Variants in CCDC14 observed in about 807,000 individuals in gnomAD.
CCDC14 encodes coiled-coil domain-containing protein 14.
In CCDC14, 71 loss-of-function variants were observed where a neutral mutation model predicts 81.4. The observed-to-expected ratio is 0.87, with a 90% CI of 0.72 to 1.06. The LOEUF (loss-of-function observed/expected upper bound fraction) is 1.06, where lower values mean the gene tolerates loss of function less well. Among genes scored for constraint, CCDC14 ranks in the 50% least tolerant of loss-of-function variants. The pLI is 0.00. For synonymous variants in CCDC14, 332 were observed against 364.8 expected, an observed-to-expected ratio of 0.91 and a Z score of 1.03; for missense variants, 1,046 against 1,047.3, an observed-to-expected ratio of 1.00 and a Z score of 0.02.
rs557721503 is a variant in CCDC14 at position 123,899,027 on chromosome 3, C to G, written c.668-1414G>C. ...GATCCACCATGCCAGGACAACAGTA[C>G]ATTTTCACCTAGTTTTTTGCATTCA... On this transcript the variant is annotated intron_variant, in intron 5 of 5. Transcript: ENST00000479903. Among the ~76,000 whole-genome samples, 6 of 151,976 alleles carry G rather than the reference C, an allele frequency of 3.9e-5. No individual in the cohort carries two copies. In the South Asian group the frequency reaches 1.2e-3, roughly 32 times the overall value.
chr3:123,917,975 T>C (rs774371288), intron 12 of CCDC14, among the ~76,000 whole-genome samples: 28 of 152,168 alleles, frequency 1.8e-4, no homozygotes, highest in Non-Finnish European at 3.8e-4. Flanking sequence ...AGGTAAATTA[T>C]GGTATAACTG....
the CCDC14 span, among the ~76,000 whole-genome samples, chr3:123,889,274 G>A: frequency 6.6e-6 from 1 of 152,156 alleles, no homozygotes; most frequent in Non-Finnish European, 1.5e-5. Context: ...TTAGCCAAGT[G>A]TGGTGGCACG....
chr3:123,906,964 T>C (rs979328275), intron 5 of CCDC14, among the ~76,000 whole-genome samples: 23 of 152,236 alleles, frequency 1.5e-4, no homozygotes, highest in Non-Finnish European at 3.1e-4. Flanking sequence ...TATCAGATCA[T>C]CTTGGCCCTG....
At chr3:123,921,256 T>C (rs187562558) in intron 12 of CCDC14, among the ~76,000 whole-genome samples, 1 of 152,202 alleles carries the variant, frequency 6.6e-6, no homozygotes, top group Admixed American at 6.5e-5. Context: ...AGTGGGTGAA[T>C]GAATCAAAAA....
chr3:123,885,673 G>C, the CCDC14 span, among the ~76,000 whole-genome samples: 1 of 152,082 alleles, frequency 6.6e-6, no homozygotes, highest in African/African-American at 2.4e-5. Context: ...ACTGAAGTTT[G>C]ATGTCTTTTG....
chr3:123,924,911 C>T lies in CCDC14; in HGVS notation c.1778+6191G>A, dbSNP rs1052694355. On this transcript the variant is annotated intron_variant, in intron 12 of 12. Transcript: ENST00000409697. ...AGCAATCCCATGTCTATGTACATAT[C>T]CATATATATATATATACACACACAT... 5.8e-5 allele frequency among the ~76,000 whole-genome samples: 8 copies of T among 138,342 alleles called. 1 individual carries two copies. In the South Asian group the frequency reaches 1.9e-3, roughly 33 times the overall value. 90.8% of individuals were successfully genotyped at this position (138,342 alleles called of 152,430 possible).
chr3:123,951,334 T>A (rs2148940990), intron 5 of CCDC14, among the ~76,000 whole-genome samples: 1 of 152,010 alleles, frequency 6.6e-6, no homozygotes, highest in African/African-American at 2.4e-5. Flanking sequence ...CTATCTGATG[T>A]CAGTAATAAA....
chr3:123,934,368 C>T (rs1200258408), intron 9 of CCDC14, among the ~76,000 whole-genome samples: 5 of 144,440 alleles, frequency 3.5e-5, no homozygotes, highest in Admixed American at 6.9e-5. Context: ...TATTTCTTTC[C>T]TTTTCTATCT....
intron 12 of CCDC14, among the ~76,000 whole-genome samples, chr3:123,922,728 C>T (rs1443911878): frequency 6.6e-6 from 1 of 151,996 alleles, no homozygotes; most frequent in African/African-American, 2.4e-5. Context: ...AAGTCTCCCA[C>T]CAAAGAAAAG....
intron 12 of CCDC14, among the ~76,000 whole-genome samples, chr3:123,920,995 A>G (rs1421898366): frequency 1.3e-5 from 2 of 152,198 alleles, no homozygotes; most frequent in Admixed American, 1.3e-4. Flanking sequence ...AAATAGCCTA[A>G]GTATAAGATG....
intron 12 of CCDC14, among the ~76,000 whole-genome samples, chr3:123,920,586 T>C (rs563030052): frequency 6.6e-6 from 1 of 152,284 alleles, no homozygotes; most frequent in East Asian, 1.9e-4. Flanking sequence ...CCAAGAATAC[T>C]TTATCCAGCA....
the CCDC14 span, among the ~76,000 whole-genome samples, chr3:123,890,663 G>A: frequency 6.6e-6 from 1 of 152,214 alleles, no homozygotes; most frequent in East Asian, 1.9e-4. Flanking sequence ...GGGCAGCTCT[G>A]CCCCTGTGGC....
intron 9 of CCDC14, among the ~76,000 whole-genome samples, chr3:123,935,143 C>G (rs1476038332): frequency 6.6e-6 from 1 of 152,024 alleles, no homozygotes; most frequent in South Asian, 2.1e-4. Context: ...AGCAGTTCAC[C>G]TAAGAAATAG....
intron 5 of CCDC14, among the ~76,000 whole-genome samples, chr3:123,905,008 TGAGAG>T (rs902960618): frequency 2.6e-5 from 4 of 151,196 alleles, no homozygotes; most frequent in African/African-American, 9.7e-5. Flanking sequence ...GTAAAACAGA[TGAGAG>T]AGAGAGAGAA....
At position 123,944,971 on chromosome 3, in the gene CCDC14, C is replaced by T. The variant is rs752711885; in HGVS notation, c.1221G>A (p.Arg407=). ...TACATGCCTCCATTTCTGTAATCAA[C>T]CTCTGAATTTCTGAATCCTCTATAG... The part of the protein sequence containing the change: ...VAEQEDSEIQ[R]LITEMEACIS... Residue 407 remains arginine, a synonymous_variant, in exon 9 of 13, where the codon AGG becomes AGA. Coordinates refer to ENST00000409697, the MANE Select transcript of CCDC14 (RefSeq NM_001366335.1). The T allele has an allele frequency of 5.0e-6, 8 of 1,602,646 alleles. No homozygotes were observed. Among genetic ancestry groups the T allele is most frequent in the Non-Finnish European group, 4.3e-6 (5 of 1,172,348 alleles).
At chr3:123,904,268 G>A (rs1162276191) in intron 5 of CCDC14, among the ~76,000 whole-genome samples, 1 of 151,892 alleles carries the variant, frequency 6.6e-6, no homozygotes, top group African/African-American at 2.4e-5. Context: ...GTGAAACAAC[G>A]ACCAGCTATC....
chr3:123,906,570 T>C (rs1475609249), intron 5 of CCDC14, among the ~76,000 whole-genome samples: 1 of 152,078 alleles, frequency 6.6e-6, no homozygotes, highest in Non-Finnish European at 1.5e-5. Context: ...GCAAGACCAC[T>C]GATTTAAGCA....
intron 9 of CCDC14, among the ~76,000 whole-genome samples, chr3:123,934,215 G>T (rs2035921350): frequency 7.5e-6 from 1 of 133,330 alleles, no homozygotes; most frequent in African/African-American, 2.8e-5. Context: ...GGAGGTTGCA[G>T]TGAGTGAGAT....
chr3:123,933,401 T>C (rs1157195263), intron 10 of CCDC14: 5 of 391,038 alleles, frequency 1.3e-5, no homozygotes, highest in African/African-American at 1.0e-4. Flanking sequence ...TATAGTTCTA[T>C]TTGTGCCTGG....
Sources: allele counts gnomAD v4.1 joint callset (sites outside exome capture counted in the v4.1 genomes callset), GRCh38; gene constraint gnomAD v4.1.1; transcripts MANE v1.5; gene names NCBI Gene and HGNC (gene_info 2026-07-23, HGNC 2026-07-21).